Variants in MRC1 observed in about 807,000 individuals in gnomAD.
MRC1 encodes the protein macrophage mannose receptor 1.
In MRC1, 62 loss-of-function variants were observed where a neutral mutation model predicts 102.9. The ratio of observed to expected loss-of-function variants is 0.60; its 90% CI spans 0.49 to 0.74. The LOEUF is 0.74. Among genes scored for constraint, MRC1 ranks in the 30% least tolerant of loss-of-function variants. MRC1 has a pLI of 0.00. For synonymous variants in MRC1, 457 were observed against 298.4 expected (o/e 1.53, Z -5.48); for missense variants, 1,237 against 862.8 (o/e 1.43, Z -5.43).
chr10:17,827,665 C>T lies in MRC1; in HGVS notation c.587C>T (p.Thr196Ile). The change falls in exon 3 of 30, where the codon ACC (threonine) becomes ATC (isoleucine). Residue 196 changes from threonine (T) to isoleucine (I), a missense_variant. Thr to Ile is a moderately conservative substitution (Grantham distance 89). Coordinates refer to ENST00000569591, the MANE Select transcript of MRC1 (RefSeq NM_002438.4). ...GRSDGWLWCGTTTDYDTDKLF... is the reference protein window; with the variant it reads ...GRSDGWLWCGITTDYDTDKLF... ...TCGGATGGATGGCTCTGGTGCGGAA[C>T]CACTACTGACTATGACACAGACAAG... 1.3e-6 allele frequency: 1 copy of T among 780,836 alleles called. No homozygotes were observed. Among genetic ancestry groups the T allele is most frequent in the South Asian group, 1.3e-5 (1 of 74,606 alleles). The allele number at this position is 780,836 out of a possible 1,614,324, so 48.4% of individuals were successfully genotyped here. A position where few individuals can be genotyped will look rare whatever the true frequency, so the allele number is the denominator to read the frequency against.
intron 24 of MRC1, 35 bp downstream of exon 24, chr10:17,898,301 T>C: frequency 1.3e-6 from 1 of 780,786 alleles, no homozygotes; most frequent in East Asian, 2.4e-5. Flanking sequence ...CTTGACATGA[T>C]CAGTGAATTA....
At chr10:17,813,491 T>C (rs1427947118) in intron 1 of MRC1, among the ~76,000 whole-genome samples, 1 of 152,030 alleles carries the variant, frequency 6.6e-6, no homozygotes, top group Admixed American at 6.6e-5. Context: ...GATTCTTCAG[T>C]GTATTTTTTC....
intron 9 of MRC1, among the ~76,000 whole-genome samples, chr10:17,859,362 G>C (rs1012685767): frequency 2.0e-5 from 3 of 152,224 alleles, no homozygotes; most frequent in Admixed American, 2.0e-4. Flanking sequence ...ATGTTGCCCA[G>C]GCTGGCATGC....
chr10:17,909,565 ATT>A (rs542028706), intron 29 of MRC1, among the ~76,000 whole-genome samples: 19 of 146,306 alleles, frequency 1.3e-4, no homozygotes, highest in African/African-American at 4.7e-4. Context: ...TATTGAAGGC[ATT>A]TTTTTTTTTC....
In MRC1 at chr10:17,907,557, A is replaced by G. The variant is rs1466779895; in HGVS notation, c.3937A>G (p.Ser1313Gly). ...VEGTWLWINNSPVSFVNWNTG... is the reference protein window; with the variant it reads ...VEGTWLWINNGPVSFVNWNTG... ...AGGGACGTGGCTGTGGATAAATAACAGTCCGGTCTCCTTTGTCAACTGGAA... is the reference window on the plus strand; with the variant it reads ...AGGGACGTGGCTGTGGATAAATAACGGTCCGGTCTCCTTTGTCAACTGGAA... Residue 1313 changes from serine to glycine, a missense_variant, in exon 28 of 30, where the codon AGT becomes GGT. Physicochemically the swap from Ser to Gly is moderately conservative, Grantham distance 56 (BLOSUM62 0). Transcript: ENST00000569591. 3 of 780,870 alleles carry G rather than the reference A, an allele frequency of 3.8e-6. No homozygotes were observed. Among genetic ancestry groups the G allele is most frequent in the Non-Finnish European group, 7.2e-6 (3 of 417,956 alleles). 48.4% of individuals were successfully genotyped at this position (780,870 alleles called of 1,614,324 possible).
intron 24 of MRC1, among the ~76,000 whole-genome samples, chr10:17,899,750 G>C (rs1221408501): frequency 5.9e-5 from 9 of 152,034 alleles, no homozygotes; most frequent in African/African-American, 2.2e-4. Flanking sequence ...ATATTTTGAT[G>C]TTTATCAATA....
intron 4 of MRC1, among the ~76,000 whole-genome samples, chr10:17,836,791 G>A (rs1030469120): frequency 6.6e-6 from 1 of 151,824 alleles, no homozygotes; most frequent in South Asian, 2.1e-4. Context: ...AGTCGAGATC[G>A]CACCATTGCA....
chr10:17,907,686 A>G lies in MRC1; in HGVS notation c.4066A>G (p.Lys1356Glu). 2.6e-6 allele frequency: 2 copies of G among 780,822 alleles called. No homozygotes were observed. The highest frequency in any genetic ancestry group is 3.4e-5 in the Admixed American group (2 of 59,022). 48.4% of individuals were successfully genotyped at this position (780,822 alleles called of 1,614,324 possible). The change falls in exon 28 of 30, where the codon AAA (lysine) becomes GAA (glutamate). Residue 1356 changes from lysine to glutamate, a missense_variant. Lys to Glu is a moderately conservative substitution (Grantham distance 56). Transcript: ENST00000569591. ...HCSSYKGYICKRPKIIDAKPT... is the reference protein window; with the variant it reads ...HCSSYKGYICERPKIIDAKPT... ...TTCATCCTACAAAGGATATATTTGT[A>G]AAAGACCAAAAAGTAAGTAAGAAGT... is the stretch of plus-strand genomic sequence containing the variant.
At chr10:17,884,316 C>T (rs1172792241) in intron 21 of MRC1, among the ~76,000 whole-genome samples, 2 of 152,172 alleles carry the variant, frequency 1.3e-5, no homozygotes, top group African/African-American at 4.8e-5. Context: ...GATCCAAGCA[C>T]ACTGAGTATA....
intron 6 of MRC1, among the ~76,000 whole-genome samples, chr10:17,846,030 C>A (rs1473949986): frequency 6.6e-6 from 1 of 152,190 alleles, no homozygotes; most frequent in Admixed American, 6.5e-5. Context: ...GCCTCAGCCT[C>A]CCGAGTAGTT....
At chr10:17,887,896 G>A (rs1473878388) in intron 22 of MRC1, among the ~76,000 whole-genome samples, 5 of 152,066 alleles carry the variant, frequency 3.3e-5, no homozygotes, top group Admixed American at 6.6e-5. Flanking sequence ...TCCACCTCCC[G>A]GGTTCACGTG....
intron 28 of MRC1, 146 bp from the exon 29 acceptor site, chr10:17,909,160 T>A: frequency 1.5e-6 from 1 of 660,962 alleles, no homozygotes; most frequent in Non-Finnish European, 2.7e-6. Flanking sequence ...TCTACCTGTA[T>A]TTTTATATCT....
chr10:17,847,910 T>G (rs1412401810), intron 6 of MRC1, among the ~76,000 whole-genome samples: 3 of 101,672 alleles, frequency 3.0e-5, no homozygotes, highest in African/African-American at 4.0e-5. Context: ...AAGCTTGCTT[T>G]CTTTTTCTTT....
At chr10:17,877,463 T>A (rs970883842) in intron 17 of MRC1, among the ~76,000 whole-genome samples, 1 of 150,680 alleles carries the variant, frequency 6.6e-6, no homozygotes, top group Admixed American at 6.6e-5. Flanking sequence ...TTTTCATATA[T>A]ATATTTTGTA....
chr10:17,880,649 T>G lies in MRC1; in HGVS notation c.2844T>G (p.Gly948=), dbSNP rs782545059. The change falls in exon 20 of 30, where the codon GGT becomes GGG. Residue 948 remains glycine (G), a synonymous_variant. Transcript: ENST00000569591. ...CGGTCCCATCAGGGTGCAAGGAAGG[T>G]TGGAATTTCTACAGCAACAAGGTAC... ...MPSVPSGCKE[G]WNFYSNKCFK... 1 of 780,784 alleles carries G rather than the reference T, an allele frequency of 1.3e-6. No homozygotes were observed. Among genetic ancestry groups the G allele is most frequent in the East Asian group, 2.4e-5 (1 of 41,248 alleles). The allele number at this position is 780,784 out of a possible 1,614,324, so 48.4% of individuals were successfully genotyped here.
chr10:17,909,358 T>G lies in MRC1; in HGVS notation c.4120+11T>G, dbSNP rs1052609518. The G allele has an allele frequency of 2.8e-5, 24 of 871,290 alleles. No individual in the cohort carries two copies. The highest frequency in any genetic ancestry group is 4.4e-5 in the Non-Finnish European group (22 of 500,526). The allele number at this position is 871,290 out of a possible 1,614,324, so 54.0% of individuals were successfully genotyped here. On this transcript the variant is annotated intron_variant, in intron 29 of 29. Coordinates refer to ENST00000569591, the MANE Select transcript of MRC1 (RefSeq NM_002438.4). ...TACTTACAACAAAAGGTAAGGCCATTGCAAAATTTCAAGTTCTGTGTTAGT... is the reference window on the plus strand; with the variant it reads ...TACTTACAACAAAAGGTAAGGCCATGGCAAAATTTCAAGTTCTGTGTTAGT...
At chr10:17,809,933 G>A (rs1445087212) in intron 1 of MRC1, among the ~76,000 whole-genome samples, 7 of 152,306 alleles carry the variant, frequency 4.6e-5, no homozygotes, top group Admixed American at 3.9e-4. Context: ...CTGGCTGGAA[G>A]GAGGGCAGCC....
chr10:17,833,637 T>A, intron 3 of MRC1, 38 bp from the exon 4 acceptor site: 1 of 781,030 alleles, frequency 1.3e-6, no homozygotes, highest in Non-Finnish European at 2.4e-6. Flanking sequence ...GTGTTTTCTA[T>A]GCATAATGAA....
At chr10:17,857,090 T>C (rs1443003808) in intron 9 of MRC1, among the ~76,000 whole-genome samples, 5 of 152,210 alleles carry the variant, frequency 3.3e-5, no homozygotes, top group African/African-American at 9.6e-5. Flanking sequence ...CATAATCTTA[T>C]AACACGTACC....
Sources: gnomAD v4.1 joint callset for allele counts (sites outside exome capture counted in the v4.1 genomes callset) on GRCh38, gnomAD v4.1.1 for gene constraint, MANE v1.5 for transcripts, NCBI Gene and HGNC (gene_info 2026-07-23, HGNC 2026-07-21) for gene names.